The following DLGAP4 variants were observed in gnomAD, a reference collection of about 807,000 sequenced individuals.
DLGAP4 encodes the protein DLG associated protein 4, also known as disks large-associated protein 4.
Under a neutral mutation model 86.9 loss-of-function variants are expected in DLGAP4, and 18 were observed. The ratio of observed to expected loss-of-function variants is 0.21; its 90% CI spans 0.14 to 0.31. The LOEUF (loss-of-function observed/expected upper bound fraction) is 0.31. DLGAP4 is among the 10% of genes least tolerant of loss of function. The pLI is 1.00. For synonymous variants in DLGAP4, 548 were observed against 574.3 expected (o/e 0.95, Z 0.65); for missense variants, 1,085 against 1,362.6 (o/e 0.80, Z 3.21).
intron 3 of DLGAP4, among the ~76,000 whole-genome samples, chr20:36,433,400 AG>A (rs1006403452): frequency 5.9e-5 from 9 of 152,178 alleles, no homozygotes; most frequent in Non-Finnish European, 1.3e-4. Flanking sequence ...CTGTGCACCA[AG>A]GCCACATGGC....
chr20:36,488,270 T>C (rs8125698), intron 7 of DLGAP4, among the ~76,000 whole-genome samples: 6,856 of 150,928 alleles, frequency 0.045, 547 homozygotes, highest in African/African-American at 0.16. Flanking sequence ...TCAGGCACCC[T>C]GGTTTCAGGC....
chr20:36,527,221 AT>A lies in DLGAP4; in HGVS notation c.*194del. ...TCCCTCCCAGCTTTAGGTTATGAAGATTTTACTCACAAAAAAAATCAACAAA... is the reference window on the plus strand; with the variant it reads ...TCCCTCCCAGCTTTAGGTTATGAAGATTTACTCACAAAAAAAATCAACAAA... On this transcript the variant is annotated 3_prime_UTR_variant, in exon 13 of 13. Coordinates refer to ENST00000339266, the MANE Select transcript of DLGAP4 (RefSeq NM_001365621.2). 2.0e-6 allele frequency: 1 copy of A among 488,626 alleles called. No individual in the cohort carries two copies. The highest frequency in any genetic ancestry group is 3.5e-6 in the Non-Finnish European group (1 of 284,016). The allele number at this position is 488,626 out of a possible 1,614,324, so 30.3% of individuals were successfully genotyped here.
Position 36,461,760 on chromosome 20 carries a change from C to CCCGTCCGCCCGT in DLGAP4, c.1648+14826_1648+14827insTCCGCCCGTCCG. 10 of 735,476 alleles carry CCCGTCCGCCCGT rather than the reference C, an allele frequency of 1.4e-5. No individual in the cohort carries two copies. In the South Asian group the frequency reaches 5.6e-4, roughly 41 times the overall value. 45.6% of individuals were successfully genotyped at this position (735,476 alleles called of 1,614,324 possible). A position where few individuals can be genotyped will look rare whatever the true frequency, so the allele number is the denominator to read the frequency against. ...GTCCGTCCGTCCGTCCGCCCGCCCG[C>CCCGTCCGCCCGT]CCGCCCGCCCGCGCTTCCGTCCTGT... On this transcript the variant is annotated intron_variant, in intron 7 of 12. Coordinates refer to ENST00000339266, the MANE Select transcript of DLGAP4 (RefSeq NM_001365621.2).
rs2031836777 is a variant in DLGAP4, at chr20:36,393,072, T to G, written c.-73+25797T>G. 6.6e-6 allele frequency among the ~76,000 whole-genome samples: 1 copy of G among 151,068 alleles called. No homozygotes were observed. The highest frequency in any genetic ancestry group is 2.4e-5 in the African/African-American group (1 of 41,004). On this transcript the variant is annotated intron_variant, in intron 2 of 12. Coordinates refer to ENST00000339266, the MANE Select transcript of DLGAP4 (RefSeq NM_001365621.2). This position sits in a 1 kb window ranked among gnomAD's most constrained non-coding sequence, Gnocchi z 4.4. ...GCTGGGGGCGGGGGAATGGGTGGGG[T>G]AGGAATGTTCAGGAAGGAATCATGT...
At chr20:36,317,217 C>T (rs937009744) in intron 1 of DLGAP4, among the ~76,000 whole-genome samples, 5,651 of 132,514 alleles carry the variant, frequency 0.043, 153 homozygotes, top group Middle Eastern at 0.071. Context: ...CTTCCTTCCT[C>T]TCCTTTTTTC....
chr20:36,462,648 C>T, intron 7 of DLGAP4: 2 of 1,557,642 alleles, frequency 1.3e-6, no homozygotes, highest in Non-Finnish European at 8.6e-7. Flanking sequence ...CGCAGGCTGG[C>T]CGCGGCCGAG....
Position 36,446,717 on chromosome 20 carries a change from T to C in DLGAP4, c.1428T>C (p.Ser476=). ...HEQQVREAEL[S]DQYEAACESA... The stretch of plus-strand genomic sequence containing the variant: ...GACAGGTACGGGAGGCAGAGCTGAG[T>C]GACCAGTATGAGGCGGCCTGCGAGT... The change falls in exon 7 of 13, where the codon AGT becomes AGC. Residue 476 remains serine (S), a synonymous_variant. Coordinates refer to ENST00000339266, the MANE Select transcript of DLGAP4 (RefSeq NM_001365621.2). 6.2e-7 allele frequency: 1 copy of C among 1,605,616 alleles called. No homozygotes were observed. Among genetic ancestry groups the C allele is most frequent in the Non-Finnish European group, 8.5e-7 (1 of 1,173,918 alleles).
intron 1 of DLGAP4, among the ~76,000 whole-genome samples, chr20:36,335,605 C>T (rs940499427): frequency 3.3e-5 from 5 of 152,176 alleles, no homozygotes; most frequent in African/African-American, 4.8e-5. Context: ...ACAGCTGCTC[C>T]GGACACATCA....
intron 2 of DLGAP4, among the ~76,000 whole-genome samples, chr20:36,375,982 G>T (rs533781861): frequency 2.0e-5 from 3 of 152,158 alleles, no homozygotes; most frequent in African/African-American, 7.2e-5. Flanking sequence ...CACCCTAGGC[G>T]ACAGAGCAAC....
At chr20:36,460,997 G>A (rs2034014465) in intron 7 of DLGAP4, among the ~76,000 whole-genome samples, 1 of 152,242 alleles carries the variant, frequency 6.6e-6, no homozygotes, top group African/African-American at 2.4e-5. Context: ...GCGCAGAGCA[G>A]CCAGGACCAG....
chr20:36,506,504 C>T (rs902378891), intron 10 of DLGAP4, among the ~76,000 whole-genome samples: 2 of 152,174 alleles, frequency 1.3e-5, no homozygotes, highest in African/African-American at 4.8e-5. Context: ...TCACATAGCT[C>T]ATGTCCCTTA....
intron 1 of DLGAP4, among the ~76,000 whole-genome samples, chr20:36,330,209 C>T (rs961361291): frequency 1.3e-5 from 2 of 152,154 alleles, no homozygotes; most frequent in Non-Finnish European, 2.9e-5. Context: ...CTTCCAGAGC[C>T]TGCCTTTGAA....
Position 36,406,671 on chromosome 20 carries a change from C to T in DLGAP4, c.-72-24975C>T, listed in dbSNP as rs143024458. ...TTTGGATACCATGGGTGGTTCCCAA[C>T]GCTAGAACACAGCTTTGTAACTGCA... is the stretch of plus-strand genomic sequence containing the variant. On this transcript the variant is annotated intron_variant, in intron 2 of 12. Transcript: ENST00000339266. Among the ~76,000 whole-genome samples, 525 of 152,242 alleles carry T rather than the reference C, an allele frequency of 3.4e-3. 4 individuals are homozygous for T. Among genetic ancestry groups the T allele is most frequent in the African/African-American group, 0.012 (504 of 41,542 alleles).
intron 7 of DLGAP4, among the ~76,000 whole-genome samples, chr20:36,477,097 CTCTTTTT>C (rs927676788): frequency 1.3e-5 from 2 of 150,714 alleles, no homozygotes; most frequent in African/African-American, 2.5e-5. Context: ...TTGTTTTTTT[CTCTTTTT>C]TCTTTTTTTT....
chr20:36,384,684 A>G (rs1011940162), intron 2 of DLGAP4, among the ~76,000 whole-genome samples: 1 of 152,190 alleles, frequency 6.6e-6, no homozygotes, highest in African/African-American at 2.4e-5. Flanking sequence ...ACACGGAGGA[A>G]AGCAGGAGTG....
chr20:36,415,533 CTT>C (rs2032628484), intron 2 of DLGAP4, among the ~76,000 whole-genome samples: 1 of 152,218 alleles, frequency 6.6e-6, no homozygotes, highest in African/African-American at 2.4e-5. Context: ...AACAGCAATA[CTT>C]GCGTATTTGC....
In DLGAP4 at chr20:36,448,676, G is replaced by A. The variant is rs141393069; in HGVS notation, c.1648+1739G>A. ...GGGCTGGGCATGGTGGCTCATGCCT[G>A]TAATCCCAGCACTTTGTGAAGCCAA... On this transcript the variant is annotated intron_variant, in intron 7 of 12. Coordinates refer to ENST00000339266, the MANE Select transcript of DLGAP4 (RefSeq NM_001365621.2). Among the ~76,000 whole-genome samples the A allele has an allele frequency of 1.8e-3, 274 of 152,292 alleles. 9 individuals are homozygous for A. The East Asian group carries it at 0.038, about 21-fold the overall frequency.
intron 1 of DLGAP4, among the ~76,000 whole-genome samples, chr20:36,323,616 C>T (rs1322276993): frequency 6.6e-6 from 1 of 152,048 alleles, no homozygotes; most frequent in Non-Finnish European, 1.5e-5. Flanking sequence ...GGTTATATAC[C>T]GAGTGGAGTT....
intron 7 of DLGAP4, among the ~76,000 whole-genome samples, chr20:36,467,045 T>A (rs1324333757): frequency 1.5e-5 from 2 of 130,290 alleles, no homozygotes; most frequent in Non-Finnish European, 3.1e-5. Flanking sequence ...TCTCTCTCTC[T>A]CTCTCTCTCT....
Sources: allele counts gnomAD v4.1 joint callset (sites outside exome capture counted in the v4.1 genomes callset), GRCh38; gene constraint gnomAD v4.1.1; non-coding constraint Gnocchi (gnomAD v3.1); transcripts MANE v1.5; gene names NCBI Gene and HGNC (gene_info 2026-07-23, HGNC 2026-07-21).